Variants in TMEM131 observed in about 807,000 individuals in gnomAD.
The protein encoded by TMEM131 is transmembrane protein 131.
A neutral mutation model predicts 211.6 loss-of-function variants in TMEM131; 66 were observed. The ratio of observed to expected loss-of-function variants is 0.31; its 90% confidence interval spans 0.26 to 0.38. TMEM131 has a LOEUF of 0.38. Ranked by LOEUF, TMEM131 falls within the 10% of genes least tolerant of loss-of-function variation. TMEM131 has a pLI of 1.00. For synonymous variants in TMEM131, 844 were observed against 841.3 expected (o/e 1.00, Z -0.06); for missense variants, 2,036 against 2,299.3 (o/e 0.89, Z 2.34).
chr2:97,988,248 A>T (rs757498672), intron 1 of TMEM131, among the ~76,000 whole-genome samples: 2 of 152,230 alleles, frequency 1.3e-5, no homozygotes, highest in Non-Finnish European at 2.9e-5. Flanking sequence ...GAGAAACTGG[A>T]TATCCACATG....
chr2:97,903,909 G>T (rs72942882), intron 3 of TMEM131, among the ~76,000 whole-genome samples: 3,174 of 152,060 alleles, frequency 0.021, 125 homozygotes, highest in African/African-American at 0.073. Context: ...GCAATCCACC[G>T]CCTCAGCTTC....
At chr2:97,781,671 TA>T (rs1480899987) in intron 31 of TMEM131, among the ~76,000 whole-genome samples, 5 of 152,078 alleles carry the variant, frequency 3.3e-5, no homozygotes, top group African/African-American at 1.2e-4. Context: ...CAAGCAAAAC[TA>T]AAAACTCTAG....
At chr2:97,912,728 C>T (rs1014219967) in intron 2 of TMEM131, among the ~76,000 whole-genome samples, 9 of 152,048 alleles carry the variant, frequency 5.9e-5, no homozygotes, top group Non-Finnish European at 1.3e-4. Flanking sequence ...CTTTCGGTAC[C>T]TTCCCACCCA....
At chr2:97,961,392 A>C (rs746238534) in intron 1 of TMEM131, among the ~76,000 whole-genome samples, 1 of 152,208 alleles carries the variant, frequency 6.6e-6, no homozygotes, top group Non-Finnish European at 1.5e-5. Flanking sequence ...AAAACATGAG[A>C]GATAAATACT....
Position 97,792,784 on chromosome 2 carries a change from G to A in TMEM131, c.3746C>T (p.Ala1249Val). Residue 1249 changes from alanine to valine, a missense_variant, in exon 31 of 41, where the codon GCT (alanine) becomes GTT (valine). This residue lies in a region of TMEM131 where 1,623 missense variants were observed against 1,805.9 expected (regional missense o/e 0.90). Coordinates refer to ENST00000186436, the MANE Select transcript of TMEM131 (RefSeq NM_015348.2). ...AGCAGACTGTGAAGAAGCTGCTTGA[G>A]CAGAAGTCCTACTAGAGGTACTTGA... is the stretch of plus-strand genomic sequence containing the variant. ...NSSSTSSRTSAQAASSQSANK... is the reference protein window; with the variant it reads ...NSSSTSSRTSVQAASSQSANK... The A allele has an allele frequency of 6.2e-7, 1 of 1,614,046 alleles. No homozygotes were observed. The highest frequency in any genetic ancestry group is 2.2e-5 in the East Asian group (1 of 44,888).
chr2:97,769,526 A>C (rs1020484133), intron 33 of TMEM131, among the ~76,000 whole-genome samples: 1 of 152,144 alleles, frequency 6.6e-6, no homozygotes, highest in Non-Finnish European at 1.5e-5. Context: ...GAGTGCTGAC[A>C]GGTCTGGGGC....
intron 11 of TMEM131, among the ~76,000 whole-genome samples, chr2:97,821,923 C>T (rs907304762): frequency 2.0e-5 from 3 of 152,158 alleles, no homozygotes; most frequent in Admixed American, 6.5e-5. Context: ...TGAGGGTCAA[C>T]AGAGAGGAAA....
chr2:97,815,783 C>A (rs1262152406), intron 12 of TMEM131, among the ~76,000 whole-genome samples: 2 of 152,106 alleles, frequency 1.3e-5, no homozygotes, highest in African/African-American at 4.8e-5. Context: ...TGCCAGATAT[C>A]CCCTTGGAGG....
chr2:97,995,744 C>A lies in TMEM131; in HGVS notation c.-82G>T. On this transcript the variant is annotated 5_prime_UTR_variant, in exon 1 of 41. Coordinates refer to ENST00000186436, the MANE Select transcript of TMEM131 (RefSeq NM_015348.2). ...CGGCGGCGGCGCGGAAGCCGTGGTC[C>A]GGGCTCTGGCCGCGGCGCCGGGAGC... 1 of 1,054,824 alleles carries A rather than the reference C, an allele frequency of 9.5e-7. No individual in the cohort carries two copies. Among genetic ancestry groups the A allele is most frequent in the South Asian group, 4.6e-5 (1 of 21,532 alleles). The allele number at this position is 1,054,824 out of a possible 1,614,324, so 65.3% of individuals were successfully genotyped here. A position where few individuals can be genotyped will look rare whatever the true frequency, so the allele number is the denominator to read the frequency against.
intron 1 of TMEM131, among the ~76,000 whole-genome samples, chr2:97,946,137 T>A (rs1417157578): frequency 6.6e-6 from 1 of 152,122 alleles, no homozygotes; most frequent in African/African-American, 2.4e-5. Flanking sequence ...TATTTATGAT[T>A]GGAAATATGG....
chr2:97,919,975 A>G (rs1416765825), intron 2 of TMEM131, among the ~76,000 whole-genome samples: 2 of 152,124 alleles, frequency 1.3e-5, no homozygotes, highest in African/African-American at 4.8e-5. Context: ...GCCTCCACCT[A>G]TGTACTCTGG....
At chr2:97,948,335 CTG>C (rs1183149625) in intron 1 of TMEM131, among the ~76,000 whole-genome samples, 1 of 151,928 alleles carries the variant, frequency 6.6e-6, no homozygotes, top group African/African-American at 2.4e-5. Flanking sequence ...ATGTAAATAA[CTG>C]TTACAACTAA....
chr2:97,812,552 C>T lies in TMEM131; in HGVS notation c.1732G>A (p.Ala578Thr). 1 of 1,596,840 alleles carries T rather than the reference C, an allele frequency of 6.3e-7. No homozygotes were observed. The highest frequency in any genetic ancestry group is 1.1e-5 in the South Asian group (1 of 87,220). The change falls in exon 17 of 41, where the codon GCT (alanine) becomes ACT (threonine). Residue 578 changes from alanine (A) to threonine (T), a missense_variant. Transcript: ENST00000186436. ...AIINSNPIEL[A>T]IKSWHIIGDG... Reference sequence around the variant, plus strand: ...CCTATGATATGCCAACTTTTTATAGCCAACTTTAAAAAAAGATATGAAAAT... The same window carrying T: ...CCTATGATATGCCAACTTTTTATAGTCAACTTTAAAAAAAGATATGAAAAT...
rs1290869173 is a variant in TMEM131, at chr2:97,756,979, T to C, written c.*120A>G. The C allele has an allele frequency of 3.9e-6, 5 of 1,276,334 alleles. No individual in the cohort carries two copies. The highest frequency in any genetic ancestry group is 5.2e-6 in the Non-Finnish European group (5 of 952,570). 79.1% of individuals were successfully genotyped at this position (1,276,334 alleles called of 1,614,324 possible). On this transcript the variant is annotated 3_prime_UTR_variant, in exon 41 of 41. Coordinates refer to ENST00000186436, the MANE Select transcript of TMEM131 (RefSeq NM_015348.2). Reference sequence around the variant, plus strand: ...TGAGCCTGCCCTGCTTGGGTCTGTTTTGCAAAGAAGAGGAGGGTGGGGAGG... The same window carrying C: ...TGAGCCTGCCCTGCTTGGGTCTGTTCTGCAAAGAAGAGGAGGGTGGGGAGG...
rs376110656 is a variant in TMEM131 at position 97,796,365 on chromosome 2, G to A, written c.3053C>T (p.Thr1018Ile). The A allele has an allele frequency of 3.3e-6, 5 of 1,537,274 alleles. No individual in the cohort carries two copies. In the Admixed American group the frequency reaches 9.0e-5, roughly 28 times the overall value. The change falls in exon 28 of 41, where the codon ACA becomes ATA. Residue 1018 changes from threonine to isoleucine, a missense_variant. Physicochemically the swap from Thr to Ile is moderately conservative, Grantham distance 89. Around this residue, in one of 3 missense-constraint regions of TMEM131, gnomAD observed 1,623 missense variants for 1,805.9 expected, o/e 0.90. Coordinates refer to ENST00000186436, the MANE Select transcript of TMEM131 (RefSeq NM_015348.2). ...TTGTCCTGTATTCTCTACCTTAAAT[G>A]TTCTTTTCAATGTGAAATTTGGTTC... ...LREPNFTLKR[T>I]FKVENTGQLQ...
chr2:97,803,811 T>A (rs1047802097), intron 22 of TMEM131, among the ~76,000 whole-genome samples: 1 of 152,168 alleles, frequency 6.6e-6, no homozygotes, highest in African/African-American at 2.4e-5. Context: ...CAGCTGAGCA[T>A]AGGACAACAC....
At chr2:97,977,104 A>G (rs925365653) in intron 1 of TMEM131, among the ~76,000 whole-genome samples, 4 of 152,220 alleles carry the variant, frequency 2.6e-5, no homozygotes, top group Non-Finnish European at 4.4e-5. Context: ...GTGACCTTGC[A>G]TTAGGCAGAG....
intron 2 of TMEM131, among the ~76,000 whole-genome samples, chr2:97,922,505 G>A (rs1391488888): frequency 1.3e-5 from 2 of 152,000 alleles, no homozygotes; most frequent in African/African-American, 2.4e-5. Context: ...ATAAATTGGG[G>A]CATATCCATA....
At chr2:97,851,129 C>G (rs1005472348) in intron 5 of TMEM131, among the ~76,000 whole-genome samples, 5 of 151,870 alleles carry the variant, frequency 3.3e-5, no homozygotes, top group African/African-American at 1.2e-4. Context: ...CCTTGGTGAT[C>G]TCATCCAGAT....
Sources: allele counts gnomAD v4.1 joint callset (sites outside exome capture counted in the v4.1 genomes callset), GRCh38; gene constraint gnomAD v4.1.1; regional missense constraint gnomAD v4.1.1; transcripts MANE v1.5; gene names NCBI Gene and HGNC (gene_info 2026-07-23, HGNC 2026-07-21).